The following CELF2 variants were observed in gnomAD, a reference collection of about 807,000 sequenced individuals.
CELF2 encodes CUGBP Elav-like family member 2, also known as CUG triplet repeat RNA-binding protein 2.
A neutral mutation model predicts 62.6 loss-of-function variants in CELF2; 8 were observed. That is an observed-to-expected ratio of 0.13 (90% CI 0.07 to 0.23). The LOEUF (loss-of-function observed/expected upper bound fraction) is 0.23, where lower values mean the gene tolerates loss of function less well. CELF2 is among the 10% of genes least tolerant of loss of function. CELF2 has a pLI of 1.00. For synonymous variants in CELF2, 258 were observed against 250.0 expected (o/e 1.03, Z -0.30); for missense variants, 333 against 671.0 (o/e 0.50, Z 5.56).
chr10:10,996,971 C>T (rs189697665), intron 2 of CELF2, among the ~76,000 whole-genome samples: 12 of 152,274 alleles, frequency 7.9e-5, no homozygotes, highest in Middle Eastern at 6.8e-3. Context: ...CCAAATTGTC[C>T]GTGTTGGAAA....
chr10:10,961,632 G>C (rs1218377201), intron 2 of CELF2, among the ~76,000 whole-genome samples: 2 of 151,890 alleles, frequency 1.3e-5, no homozygotes, highest in Non-Finnish European at 2.9e-5. Flanking sequence ...TATAATCCCA[G>C]CTACGCAGGA....
At chr10:10,750,055 G>A in the CELF2 span, among the ~76,000 whole-genome samples, 19 of 152,302 alleles carry the variant, frequency 1.2e-4, 1 homozygote, top group South Asian at 4.1e-4. Flanking sequence ...AGGCCAAGGC[G>A]GGTGGATCAT....
chr10:10,502,071 T>G, the CELF2 span, among the ~76,000 whole-genome samples: 1 of 152,140 alleles, frequency 6.6e-6, no homozygotes, highest in African/African-American at 2.4e-5. Flanking sequence ...TTAATTGATT[T>G]TCCAATGTTG....
chr10:11,313,165 G>A (rs75481879), intron 9 of CELF2, among the ~76,000 whole-genome samples: 1,931 of 152,260 alleles, frequency 0.013, 50 homozygotes, highest in African/African-American at 0.044. Flanking sequence ...ATACAAAACA[G>A]ACTTCAAGGA....
rs921538654 is a variant in CELF2, at chr10:11,255,015, G to A, written c.404-2723G>A. Among the ~76,000 whole-genome samples, 8 of 152,166 alleles carry A rather than the reference G, an allele frequency of 5.3e-5. No homozygotes were observed. Among genetic ancestry groups the A allele is most frequent in the South Asian group, 2.1e-4 (1 of 4,822 alleles). On this transcript the variant is annotated intron_variant, in intron 4 of 12. Transcript: ENST00000633077. The surrounding 1 kb of genome is among the most constrained non-coding windows in gnomAD (Gnocchi z 5.5). ...TCCTCCCATGTTAGTGAGCACAGGC[G>A]GTGTAGACGGCCTGCAGCAGGTGGT...
rs186874233 is a variant in CELF2, at chr10:11,025,472, A to G, written c.74+7309A>G. On this transcript the variant is annotated intron_variant, in intron 1 of 12. Coordinates refer to ENST00000633077, the MANE Select transcript of CELF2 (RefSeq NM_001326342.2). ...TAAGGGGCCCTTCCCCCTTCGTTCA[A>G]CGCTTTCCCTTCTTGCCACCTTGTG... 2.5e-3 allele frequency among the ~76,000 whole-genome samples: 386 copies of G among 152,032 alleles called. 1 individual carries two copies. The highest frequency in any genetic ancestry group is 8.8e-3 in the African/African-American group (363 of 41,456).
intron 2 of CELF2, among the ~76,000 whole-genome samples, chr10:11,175,085 C>T (rs2070546160): frequency 1.3e-5 from 2 of 151,466 alleles, no homozygotes; most frequent in African/African-American, 2.4e-5. Context: ...AAATGCTAAA[C>T]GTTCCCAGTG....
intron 2 of CELF2, chr10:10,946,218 G>A (rs899357827): frequency 5.9e-5 from 9 of 152,438 alleles, no homozygotes; most frequent in African/African-American, 2.2e-4. Context: ...AATATAGGCT[G>A]GGAGAGATTT....
rs761824783 is a variant in CELF2, at chr10:11,319,735, C to T, written c.1097-1454C>T. The T allele has an allele frequency of 8.5e-6, 4 of 469,880 alleles. No individual in the cohort carries two copies. Among genetic ancestry groups the T allele is most frequent in the Admixed American group, 4.7e-5 (2 of 42,512 alleles). The allele number at this position is 469,880 out of a possible 1,614,324, so 29.1% of individuals were successfully genotyped here. A position where few individuals can be genotyped will look rare whatever the true frequency, so the allele number is the denominator to read the frequency against. On this transcript the variant is annotated intron_variant, in intron 10 of 12. Transcript: ENST00000633077. This position sits in a 1 kb window ranked among gnomAD's most constrained non-coding sequence, Gnocchi z 4.4. ...CTGTTCTGAGAAGCACAGGAATACCCGAGGTGAGGCACAATGACAGTCCTC... is the reference window on the plus strand; with the variant it reads ...CTGTTCTGAGAAGCACAGGAATACCTGAGGTGAGGCACAATGACAGTCCTC...
At chr10:11,052,146 G>T (rs972962213) in intron 1 of CELF2, among the ~76,000 whole-genome samples, 3 of 152,068 alleles carry the variant, frequency 2.0e-5, no homozygotes. Flanking sequence ...ATGTTGTCTA[G>T]GCTGGTCTTG....
At chr10:11,264,666 C>T (rs1167224097) in intron 5 of CELF2, among the ~76,000 whole-genome samples, 1 of 152,214 alleles carries the variant, frequency 6.6e-6, no homozygotes, top group Non-Finnish European at 1.5e-5. Context: ...GACTGGATCA[C>T]CTCAGAGCTC....
At chr10:11,061,248 G>T (rs1485362813) in intron 1 of CELF2, among the ~76,000 whole-genome samples, 1 of 152,180 alleles carries the variant, frequency 6.6e-6, no homozygotes, top group Non-Finnish European at 1.5e-5. Flanking sequence ...AAATTGAAGT[G>T]GTCTGGATAG....
At chr10:10,484,470 C>G in the CELF2 span, among the ~76,000 whole-genome samples, 1 of 148,510 alleles carries the variant, frequency 6.7e-6, no homozygotes, top group African/African-American at 2.5e-5. Flanking sequence ...GCACATGCCA[C>G]CATGCCCAGC....
intron 1 of CELF2, among the ~76,000 whole-genome samples, chr10:10,864,546 G>A (rs1244805755): frequency 1.3e-5 from 2 of 152,076 alleles, no homozygotes; most frequent in East Asian, 3.9e-4. Context: ...TCCAGGTGAG[G>A]GCTCTCTTTC....
At chr10:11,086,043 A>G (rs2046620703) in intron 1 of CELF2, among the ~76,000 whole-genome samples, 1 of 152,164 alleles carries the variant, frequency 6.6e-6, no homozygotes, top group Non-Finnish European at 1.5e-5. Context: ...AATGTTAGCT[A>G]TTGTTATTGC....
chr10:10,858,288 A>G (rs147121971), intron 1 of CELF2, among the ~76,000 whole-genome samples: 7 of 152,268 alleles, frequency 4.6e-5, no homozygotes, highest in Non-Finnish European at 1.0e-4. Context: ...TCATCACCCA[A>G]TGGACTAGTC....
intron 1 of CELF2, among the ~76,000 whole-genome samples, chr10:10,891,713 G>T (rs1331412637): frequency 6.6e-6 from 1 of 152,178 alleles, no homozygotes; most frequent in Non-Finnish European, 1.5e-5. Context: ...TGCACGGGCA[G>T]ACTGGATGGA....
Position 11,191,533 on chromosome 10 carries a change from G to A in CELF2, c.271+25851G>A, listed in dbSNP as rs2076289914. Among the ~76,000 whole-genome samples, 1 of 152,148 alleles carries A rather than the reference G, an allele frequency of 6.6e-6. No homozygotes were observed. Among genetic ancestry groups the A allele is most frequent in the Admixed American group, 6.5e-5 (1 of 15,288 alleles). The stretch of plus-strand genomic sequence containing the variant: ...TCTCGGGAAAGTGACCTATCAAGGG[G>A]GCATACAACAGGGACACCACCTTGA... On this transcript the variant is annotated intron_variant, in intron 2 of 12. Coordinates refer to ENST00000633077, the MANE Select transcript of CELF2 (RefSeq NM_001326342.2). The surrounding 1 kb of genome is among the most constrained non-coding windows in gnomAD (Gnocchi z 4.1).
the CELF2 span, among the ~76,000 whole-genome samples, chr10:10,616,660 C>T: frequency 6.8e-6 from 1 of 148,106 alleles, no homozygotes; most frequent in Admixed American, 6.8e-5. Context: ...ACAGTGCTTC[C>T]TCCTCACCCA....
Sources: gnomAD v4.1 joint callset for allele counts (sites outside exome capture counted in the v4.1 genomes callset) on GRCh38, gnomAD v4.1.1 for gene constraint, Gnocchi (gnomAD v3.1) non-coding constraint, MANE v1.5 for transcripts, NCBI Gene and HGNC (gene_info 2026-07-23, HGNC 2026-07-21) for gene names.